The following FSHR variants were observed in gnomAD, a reference collection of about 807,000 sequenced individuals.
FSHR encodes follicle-stimulating hormone receptor.
Under a neutral mutation model 52.1 loss-of-function variants are expected in FSHR, and 46 were observed. That is an observed-to-expected ratio of 0.88 (90% CI 0.70 to 1.13). FSHR has a LOEUF of 1.13. FSHR is among the 50% of genes most tolerant of loss of function. The pLI, the probability that FSHR is intolerant of heterozygous loss-of-function variation, is 0.00. For synonymous variants in FSHR, 399 were observed against 309.6 expected (o/e 1.29, Z -3.03); for missense variants, 964 against 834.6 (o/e 1.16, Z -1.91).
At chr2:49,107,734 C>A (rs1438234527) in intron 1 of FSHR, among the ~76,000 whole-genome samples, 1 of 151,956 alleles carries the variant, frequency 6.6e-6, no homozygotes, top group Non-Finnish European at 1.5e-5. Context: ...ACTACTATTC[C>A]CAATTTTATA....
intron 1 of FSHR, among the ~76,000 whole-genome samples, chr2:49,108,189 C>G (rs1311714831): frequency 6.6e-6 from 1 of 152,068 alleles, no homozygotes; most frequent in Non-Finnish European, 1.5e-5. Flanking sequence ...CTTCTCTTAA[C>G]TTTTAACTGA....
At chr2:49,154,149 C>T (rs1280380916) in intron 1 of FSHR, 117 bp downstream of exon 1, 35 of 1,133,150 alleles carry the variant, frequency 3.1e-5, no homozygotes, top group South Asian at 9.3e-5. Flanking sequence ...TTCAGGACTT[C>T]GGTCAAGGGG....
At chr2:48,984,941 A>G (rs1001975469) in intron 6 of FSHR, among the ~76,000 whole-genome samples, 2 of 152,198 alleles carry the variant, frequency 1.3e-5, no homozygotes, top group Non-Finnish European at 2.9e-5. Flanking sequence ...GTATTTCTTG[A>G]TATCAGCAGT....
At chr2:49,146,619 G>A (rs370432426) in intron 1 of FSHR, among the ~76,000 whole-genome samples, 10 of 151,980 alleles carry the variant, frequency 6.6e-5, no homozygotes, top group South Asian at 2.1e-4. Context: ...TCAGAGGAGC[G>A]CAAGGATTAC....
intron 4 of FSHR, among the ~76,000 whole-genome samples, chr2:49,009,425 T>C (rs1667191138): frequency 6.6e-6 from 1 of 151,614 alleles, no homozygotes; most frequent in Non-Finnish European, 1.5e-5. Flanking sequence ...TTTTGGTTAC[T>C]GTAGCCTTGT....
intron 1 of FSHR, among the ~76,000 whole-genome samples, chr2:49,141,892 A>G (rs1572802651): frequency 6.6e-6 from 1 of 152,206 alleles, no homozygotes; most frequent in Non-Finnish European, 1.5e-5. Flanking sequence ...GTCAATTTCA[A>G]TTCTGATACT....
At chr2:49,127,801 T>TCTTCTTCTTC in intron 1 of FSHR, among the ~76,000 whole-genome samples, 3 of 57,242 alleles carry the variant, frequency 5.2e-5, no homozygotes, top group Admixed American at 2.7e-4. Flanking sequence ...TTCTTCTTCT[T>TCTTCTTCTTC]CTTCTTCTTC....
intron 1 of FSHR, among the ~76,000 whole-genome samples, chr2:49,080,152 C>T (rs12478831): frequency 1.3e-5 from 2 of 152,116 alleles, no homozygotes; most frequent in African/African-American, 2.4e-5. Flanking sequence ...ACTTTGACAC[C>T]TTTATTCACC....
intron 1 of FSHR, among the ~76,000 whole-genome samples, chr2:49,103,812 C>G (rs1671123282): frequency 6.6e-6 from 1 of 152,128 alleles, no homozygotes; most frequent in South Asian, 2.1e-4. Context: ...ATGACTCTAT[C>G]TATGCCCTGG....
intron 1 of FSHR, among the ~76,000 whole-genome samples, chr2:49,148,049 T>A (rs759418620): frequency 6.6e-6 from 1 of 152,020 alleles, no homozygotes; most frequent in Non-Finnish European, 1.5e-5. Flanking sequence ...ATTCAGGGTC[T>A]AGAATCTGAC....
chr2:49,042,234 AT>A (rs892131541), intron 2 of FSHR, among the ~76,000 whole-genome samples: 2 of 152,000 alleles, frequency 1.3e-5, no homozygotes, highest in East Asian at 1.9e-4. Flanking sequence ...TCACCTTCCA[AT>A]TTTTTTCCCC....
chr2:49,143,346 T>C (rs1191378079), intron 1 of FSHR, among the ~76,000 whole-genome samples: 1 of 152,168 alleles, frequency 6.6e-6, no homozygotes, highest in Admixed American at 6.5e-5. Flanking sequence ...AACAGATAAG[T>C]GACCACAGAA....
intron 8 of FSHR, among the ~76,000 whole-genome samples, chr2:48,979,767 C>G (rs943538671): frequency 3.3e-5 from 5 of 151,960 alleles, no homozygotes; most frequent in Admixed American, 6.6e-5. Flanking sequence ...TGAGAGCACC[C>G]TCCGGTAAAC....
intron 2 of FSHR, among the ~76,000 whole-genome samples, chr2:49,047,324 A>G (rs1668698810): frequency 6.6e-6 from 1 of 152,232 alleles, no homozygotes; most frequent in Non-Finnish European, 1.5e-5. Flanking sequence ...ATTTTAAACA[A>G]ATATGTGATG....
intron 1 of FSHR, among the ~76,000 whole-genome samples, chr2:49,139,337 A>C (rs1162048288): frequency 6.6e-6 from 1 of 152,134 alleles, no homozygotes; most frequent in Non-Finnish European, 1.5e-5. Flanking sequence ...TTACTAAATG[A>C]GAGTTTCCTG....
At chr2:49,124,366 T>G (rs1371887792) in intron 1 of FSHR, among the ~76,000 whole-genome samples, 2 of 152,010 alleles carry the variant, frequency 1.3e-5, no homozygotes, top group African/African-American at 2.4e-5. Flanking sequence ...TTATCCTAGG[T>G]GGTATCAGAA....
chr2:49,078,436 A>G (rs148449842), intron 1 of FSHR, among the ~76,000 whole-genome samples: 1 of 152,196 alleles, frequency 6.6e-6, no homozygotes, highest in South Asian at 2.1e-4. Context: ...AACCCTTTTT[A>G]TGTGGTTAGT....
chr2:49,006,934 G>T (rs531086196), intron 4 of FSHR, among the ~76,000 whole-genome samples: 1 of 152,190 alleles, frequency 6.6e-6, no homozygotes, highest in East Asian at 1.9e-4. Flanking sequence ...TGTTTGACAG[G>T]ACAAATGAAG....
At position 48,968,824 on chromosome 2, in the gene FSHR, T is replaced by A. The variant is rs755682295; in HGVS notation, c.728A>T (p.Lys243Met). 9.3e-6 allele frequency: 15 copies of A among 1,614,090 alleles called. No homozygotes were observed. The South Asian group carries it at 1.5e-4, about 17-fold the overall frequency. ...GTTGTAAGTCGACCTGGCCCTCAGC[T>A]TCTTAAGATTTTCTAAGCCATAGCT... ...LPSYGLENLK[K>M]LRARSTYNLK... Residue 243 changes from lysine (K) to methionine (M), a missense_variant, in exon 9 of 10, where the codon AAG (lysine) becomes ATG (methionine). Physicochemically the swap from Lys to Met is moderately conservative, Grantham distance 95 (BLOSUM62 -1). Transcript: ENST00000406846.
Sources: gnomAD v4.1 joint callset for allele counts (sites outside exome capture counted in the v4.1 genomes callset) on GRCh38, gnomAD v4.1.1 for gene constraint, MANE v1.5 for transcripts, NCBI Gene and HGNC (gene_info 2026-07-23, HGNC 2026-07-21) for gene names.